The following TENM4 variants were observed in gnomAD, a reference collection of about 807,000 sequenced individuals.
The protein encoded by TENM4 is teneurin transmembrane protein 4.
A neutral mutation model predicts 243.3 loss-of-function variants in TENM4; 82 were observed. The observed-to-expected ratio is 0.34, with a 90% confidence interval of 0.28 to 0.40. The LOEUF is 0.40. Ranked by LOEUF, TENM4 falls within the 10% of genes least tolerant of loss-of-function variation. TENM4 has a pLI of 1.00. For synonymous variants in TENM4, 1,412 were observed against 1,456.3 expected, an observed-to-expected ratio of 0.97 and a Z score of 0.69; for missense variants, 3,138 against 3,673.3, an observed-to-expected ratio of 0.85 and a Z score of 3.77.
At chr11:78,913,283 C>T (rs1358662283) in intron 6 of TENM4, among the ~76,000 whole-genome samples, 1 of 152,120 alleles carries the variant, frequency 6.6e-6, no homozygotes, top group Admixed American at 6.5e-5. Flanking sequence ...GTCCTCGATA[C>T]TGGAGACATA....
At chr11:78,674,872 T>C (rs957790704) in intron 30 of TENM4, among the ~76,000 whole-genome samples, 1 of 131,898 alleles carries the variant, frequency 7.6e-6, no homozygotes, top group East Asian at 2.0e-4. Flanking sequence ...TATTTTCTAG[T>C]TTTTTTTTTT....
At chr11:79,027,883 C>CT (rs1332753954) in intron 6 of TENM4, among the ~76,000 whole-genome samples, 1 of 152,164 alleles carries the variant, frequency 6.6e-6, no homozygotes, top group Non-Finnish European at 1.5e-5. Context: ...ATTCAGCCCC[C>CT]TAACACGCTT....
At chr11:79,034,116 A>G (rs921997256) in intron 6 of TENM4, among the ~76,000 whole-genome samples, 1 of 152,206 alleles carries the variant, frequency 6.6e-6, no homozygotes, top group Non-Finnish European at 1.5e-5. Flanking sequence ...GAGGACATGG[A>G]GGTGAAAGCA....
chr11:78,915,074 C>A (rs1262212871), intron 6 of TENM4, among the ~76,000 whole-genome samples: 2 of 152,212 alleles, frequency 1.3e-5, no homozygotes, highest in African/African-American at 4.8e-5. Flanking sequence ...GGGTAGCACC[C>A]CATAGCTCGC....
chr11:79,101,631 C>A (rs1014630631), intron 4 of TENM4, among the ~76,000 whole-genome samples: 2 of 152,336 alleles, frequency 1.3e-5, no homozygotes, highest in Admixed American at 1.3e-4. Context: ...ATGCTCTGCG[C>A]CTCACTTTCC....
chr11:79,227,507 C>G (rs1469454563), intron 2 of TENM4, among the ~76,000 whole-genome samples: 3 of 152,168 alleles, frequency 2.0e-5, no homozygotes, highest in African/African-American at 4.8e-5. Flanking sequence ...TGCAAAGACT[C>G]TCAGTGCTTG....
At chr11:78,766,269 C>T (rs907239103) in intron 18 of TENM4, among the ~76,000 whole-genome samples, 1 of 152,140 alleles carries the variant, frequency 6.6e-6, no homozygotes, top group Non-Finnish European at 1.5e-5. Flanking sequence ...AACCTGTGAT[C>T]CTTATAGCAG....
chr11:79,254,856 T>C (rs1402120014), intron 2 of TENM4, among the ~76,000 whole-genome samples: 6 of 152,176 alleles, frequency 3.9e-5, no homozygotes, highest in Non-Finnish European at 8.8e-5. Flanking sequence ...TGTTCTTCCC[T>C]GGGAATAATC....
chr11:78,924,417 C>G (rs1267155561), intron 6 of TENM4: 1 of 152,224 alleles, frequency 6.6e-6, no homozygotes, highest in Non-Finnish European at 1.5e-5. Context: ...GTTAAGTTTT[C>G]TGCTAATTAC....
chr11:78,780,410 T>C (rs1171289956), intron 16 of TENM4, among the ~76,000 whole-genome samples: 1 of 152,248 alleles, frequency 6.6e-6, no homozygotes, highest in East Asian at 1.9e-4. Flanking sequence ...CTTTCTTATC[T>C]GCAGAATTTT....
intron 9 of TENM4, among the ~76,000 whole-genome samples, chr11:78,866,114 G>C (rs1319595378): frequency 6.6e-6 from 1 of 152,186 alleles, no homozygotes; most frequent in Non-Finnish European, 1.5e-5. Flanking sequence ...AATAATACTT[G>C]AACAGTTAAC....
At chr11:78,949,639 C>T (rs1857073071) in intron 6 of TENM4, among the ~76,000 whole-genome samples, 1 of 152,138 alleles carries the variant, frequency 6.6e-6, no homozygotes, top group African/African-American at 2.4e-5. Context: ...GCTCACAAGA[C>T]TAGGGGCTTG....
intron 3 of TENM4, among the ~76,000 whole-genome samples, chr11:79,178,158 T>C (rs1863206268): frequency 6.6e-6 from 1 of 152,100 alleles, no homozygotes; most frequent in Non-Finnish European, 1.5e-5. Context: ...AAAGAAACTC[T>C]AAGGTGTTTT....
At chr11:79,384,217 C>T (rs1325165721) in intron 1 of TENM4, among the ~76,000 whole-genome samples, 1 of 152,228 alleles carries the variant, frequency 6.6e-6, no homozygotes, top group Non-Finnish European at 1.5e-5. Context: ...ACAATTCCTT[C>T]ATTTTCCTCA....
intron 28 of TENM4, among the ~76,000 whole-genome samples, chr11:78,696,643 T>C (rs1209731051): frequency 1.3e-5 from 2 of 152,214 alleles, no homozygotes; most frequent in African/African-American, 4.8e-5. Flanking sequence ...GTTTAGGATG[T>C]GAAACTGGTT....
At chr11:79,362,917 A>G (rs1284286384) in intron 1 of TENM4, among the ~76,000 whole-genome samples, 1 of 152,182 alleles carries the variant, frequency 6.6e-6, no homozygotes, top group Non-Finnish European at 1.5e-5. Flanking sequence ...TTCTTGTTCC[A>G]AAGAATATTC....
chr11:79,136,626 G>T (rs192450149), intron 4 of TENM4, among the ~76,000 whole-genome samples: 2 of 152,106 alleles, frequency 1.3e-5, no homozygotes, highest in Non-Finnish European at 2.9e-5. Context: ...AAAAGGCAGA[G>T]GTTTGTTCTC....
chr11:78,714,183 T>G (rs1210981151), intron 25 of TENM4, among the ~76,000 whole-genome samples: 2 of 152,220 alleles, frequency 1.3e-5, no homozygotes, highest in Non-Finnish European at 2.9e-5. Flanking sequence ...TATTTTGCAT[T>G]TATCAGGTAT....
chr11:78,890,291 A>G (rs1370488590), intron 8 of TENM4, among the ~76,000 whole-genome samples: 1 of 152,252 alleles, frequency 6.6e-6, no homozygotes, highest in Non-Finnish European at 1.5e-5. Flanking sequence ...GGTGTTAACC[A>G]ACTCAACAGA....
Sources: gnomAD v4.1 joint callset for allele counts (sites outside exome capture counted in the v4.1 genomes callset) on GRCh38, gnomAD v4.1.1 for gene constraint, MANE v1.5 for transcripts, NCBI Gene and HGNC (gene_info 2026-07-23, HGNC 2026-07-21) for gene names.